The following LIMCH1 variants were observed in gnomAD, a reference collection of about 807,000 sequenced individuals.
LIMCH1 encodes LIM and calponin homology domains-containing protein 1.
A neutral mutation model predicts 176.5 loss-of-function variants in LIMCH1; 113 were observed. That is an observed-to-expected ratio of 0.64 (90% CI 0.55 to 0.75). The LOEUF (loss-of-function observed/expected upper bound fraction) is 0.75. Ranked by LOEUF, LIMCH1 falls within the 30% of genes least tolerant of loss-of-function variation. The pLI, the probability that LIMCH1 is intolerant of heterozygous loss-of-function variation, is 0.00. For synonymous variants in LIMCH1, 619 were observed against 645.9 expected (o/e 0.96, Z 0.63); for missense variants, 1,674 against 1,814.9 (o/e 0.92, Z 1.41).
chr4:41,494,191 TG>T (rs1488391838), intron 1 of LIMCH1, among the ~76,000 whole-genome samples: 1 of 151,958 alleles, frequency 6.6e-6, no homozygotes, highest in East Asian at 1.9e-4. Context: ...TAACTTTAGC[TG>T]ATCTAGGCAA....
At chr4:41,616,170 C>T (rs555842671) in intron 5 of LIMCH1, among the ~76,000 whole-genome samples, 5 of 152,000 alleles carry the variant, frequency 3.3e-5, no homozygotes, top group African/African-American at 1.2e-4. Flanking sequence ...CAAAGATGTG[C>T]TGAGGGAGGG....
chr4:41,586,743 CCAGA>C (rs1253530093), intron 1 of LIMCH1, among the ~76,000 whole-genome samples: 1 of 152,098 alleles, frequency 6.6e-6, no homozygotes, highest in Non-Finnish European at 1.5e-5. Flanking sequence ...TCCTTGGAAT[CCAGA>C]CAGTTTTCCT....
intron 2 of LIMCH1, among the ~76,000 whole-genome samples, chr4:41,503,056 C>T (rs2073656076): frequency 8.6e-6 from 1 of 116,934 alleles, no homozygotes; most frequent in Admixed American, 9.4e-5. Flanking sequence ...CATCTCTTGC[C>T]TCTGCTTTCT....
At chr4:41,543,200 C>T (rs1363682254) in intron 1 of LIMCH1, among the ~76,000 whole-genome samples, 1 of 152,050 alleles carries the variant, frequency 6.6e-6, no homozygotes, top group Non-Finnish European at 1.5e-5. Context: ...TAACTGGTGT[C>T]CTTCAAGGCA....
At chr4:41,463,329 G>T (rs925046677) in intron 1 of LIMCH1, among the ~76,000 whole-genome samples, 1 of 152,030 alleles carries the variant, frequency 6.6e-6, no homozygotes, top group Non-Finnish European at 1.5e-5. Context: ...TGCTAGCAGA[G>T]ACTATATTAT....
At chr4:41,676,322 C>A in intron 22 of LIMCH1, 60 bp from the exon 23 acceptor site, 1 of 1,385,290 alleles carries the variant, frequency 7.2e-7, no homozygotes, top group Non-Finnish European at 1.0e-6. Flanking sequence ...CTACTCTTCA[C>A]CCGGCCTGTC....
chr4:41,415,385 A>G (rs943920165), intron 1 of LIMCH1, among the ~76,000 whole-genome samples: 3 of 152,170 alleles, frequency 2.0e-5, no homozygotes, highest in Admixed American at 6.5e-5. Flanking sequence ...AAATTCTTTA[A>G]ACTTTCCATC....
At chr4:41,639,602 C>T (rs2093736359) in intron 14 of LIMCH1, among the ~76,000 whole-genome samples, 1 of 152,166 alleles carries the variant, frequency 6.6e-6, no homozygotes, top group South Asian at 2.1e-4. Flanking sequence ...TCCCGTACTC[C>T]ACATCCAAAT....
chr4:41,536,040 A>G (rs1429223205), upstream of LIMCH1, among the ~76,000 whole-genome samples: 2 of 152,214 alleles, frequency 1.3e-5, no homozygotes, highest in African/African-American at 4.8e-5. Flanking sequence ...TAGACCTTCA[A>G]TTACAAACTG....
At chr4:41,499,595 G>C (rs764845858) in intron 2 of LIMCH1, among the ~76,000 whole-genome samples, 22 of 152,168 alleles carry the variant, frequency 1.4e-4, no homozygotes, top group Admixed American at 1.2e-3. Flanking sequence ...CAAGGTGGGG[G>C]GATCATGAGG....
At chr4:41,685,513 G>C (rs1050318280) in intron 27 of LIMCH1, among the ~76,000 whole-genome samples, 197 bp from the exon 28 acceptor site, 1 of 152,196 alleles carries the variant, frequency 6.6e-6, no homozygotes, top group Non-Finnish European at 1.5e-5. Flanking sequence ...AAAGGGCATG[G>C]TTCCTGACCT....
intron 28 of LIMCH1, among the ~76,000 whole-genome samples, chr4:41,686,468 T>C (rs1274901129): frequency 6.6e-6 from 1 of 152,216 alleles, no homozygotes; most frequent in Non-Finnish European, 1.5e-5. Context: ...AGTAGAGGAA[T>C]TCAAAATGAA....
At chr4:41,369,659 A>AT (rs1207624278) in intron 1 of LIMCH1, among the ~76,000 whole-genome samples, 1 of 151,794 alleles carries the variant, frequency 6.6e-6, no homozygotes, top group Non-Finnish European at 1.5e-5. Context: ...AAGTTGCTGT[A>AT]TTTTACTATC....
intron 20 of LIMCH1, among the ~76,000 whole-genome samples, chr4:41,665,327 G>A (rs2094785658): frequency 6.6e-6 from 1 of 152,178 alleles, no homozygotes; most frequent in African/African-American, 2.4e-5. Context: ...CCACTACAAG[G>A]AAATGCTATG....
intron 1 of LIMCH1, among the ~76,000 whole-genome samples, chr4:41,389,849 T>C (rs1174496401): frequency 6.6e-6 from 1 of 152,152 alleles, no homozygotes; most frequent in African/African-American, 2.4e-5. Flanking sequence ...TGAACTATTC[T>C]GAAAAATACC....
chr4:41,379,060 G>A (rs917320791), intron 1 of LIMCH1, among the ~76,000 whole-genome samples: 2 of 152,152 alleles, frequency 1.3e-5, no homozygotes, highest in Admixed American at 1.3e-4. Context: ...TAATAGATTA[G>A]CCCAAAACAC....
intron 1 of LIMCH1, among the ~76,000 whole-genome samples, chr4:41,420,076 G>T (rs1216917015): frequency 1.3e-5 from 2 of 152,082 alleles, no homozygotes; most frequent in South Asian, 4.2e-4. Flanking sequence ...TCTTAATTGG[G>T]TGCTCTAGGC....
chr4:41,555,121 A>T (rs557346451), intron 1 of LIMCH1, among the ~76,000 whole-genome samples: 1 of 145,026 alleles, frequency 6.9e-6, no homozygotes, highest in Non-Finnish European at 1.5e-5. Context: ...ACAAGGCATG[A>T]ATAGTTAGCG....
At chr4:41,599,053 G>A in intron 2 of LIMCH1, 27 bp downstream of exon 2, 2 of 1,369,972 alleles carry the variant, frequency 1.5e-6, no homozygotes, top group South Asian at 1.2e-5. Flanking sequence ...TTATGTTTAA[G>A]GGAAACTCCT....
Sources: allele counts gnomAD v4.1 joint callset (sites outside exome capture counted in the v4.1 genomes callset), GRCh38; gene constraint gnomAD v4.1.1; transcripts MANE v1.5; gene names NCBI Gene and HGNC (gene_info 2026-07-23, HGNC 2026-07-21).